TRANK1: variants seen among roughly 807,000 people sequenced by gnomAD.
The protein encoded by TRANK1 is TPR and ankyrin repeat-containing protein 1.
TRANK1 carries 198 observed loss-of-function variants against 266.0 expected under a neutral mutation model. That is an observed-to-expected ratio of 0.74 (90% confidence interval 0.66 to 0.84). The LOEUF (loss-of-function observed/expected upper bound fraction) is 0.84. Ranked by LOEUF, TRANK1 falls within the 40% of genes least tolerant of loss-of-function variation. The probability of loss-of-function intolerance (pLI) is 0.00; values close to 1 mark genes in which losing one functional copy is unlikely to be tolerated. For synonymous variants in TRANK1, 1,396 were observed against 1,384.1 expected, an observed-to-expected ratio of 1.01 and a Z score of -0.19; for missense variants, 3,326 against 3,634.6, an observed-to-expected ratio of 0.92 and a Z score of 2.18.
intron 12 of TRANK1, 100 bp downstream of exon 12, chr3:36,858,618 T>A: frequency 7.5e-7 from 1 of 1,333,532 alleles, no homozygotes; most frequent in Non-Finnish European, 9.7e-7. Context: ...CTTTTTCAGA[T>A]CACTGGTTTA....
At chr3:36,907,969 C>T (rs759351172) in intron 2 of TRANK1, among the ~76,000 whole-genome samples, 5 of 152,028 alleles carry the variant, frequency 3.3e-5, no homozygotes, top group African/African-American at 2.4e-5. Context: ...TAGTGCCCGG[C>T]GGGGTGTGCG....
At chr3:36,837,003 A>G (rs2078779040) in intron 20 of TRANK1, among the ~76,000 whole-genome samples, 1 of 152,168 alleles carries the variant, frequency 6.6e-6, no homozygotes, top group East Asian at 1.9e-4. Context: ...CCAAGGCCCT[A>G]CTGATCTGGC....
intron 1 of TRANK1, among the ~76,000 whole-genome samples, chr3:36,943,978 A>C (rs2080533884): frequency 6.6e-6 from 1 of 152,106 alleles, no homozygotes; most frequent in Non-Finnish European, 1.5e-5. Flanking sequence ...CCGATCTGGG[A>C]GAAAAGGTGG....
In TRANK1 at chr3:36,856,071, C is replaced by A; in HGVS notation, c.3651G>T (p.Lys1217Asn). ...CCAGTGGTTTGTAATGACTAGTGGCCTTGGTGGACTTGGAAAGCTCAATGA... is the reference window on the plus strand; with the variant it reads ...CCAGTGGTTTGTAATGACTAGTGGCATTGGTGGACTTGGAAAGCTCAATGA... ...RNFIELSKST[K>N]ATSHYKPLDP... is the part of the protein sequence containing the mutation. Residue 1217 changes from lysine to asparagine, a missense_variant, in exon 13 of 24, where the codon AAG becomes AAT. Transcript: ENST00000645898. The A allele has an allele frequency of 6.2e-7, 1 of 1,613,788 alleles. No individual in the cohort carries two copies. The highest frequency in any genetic ancestry group is 8.5e-7 in the Non-Finnish European group (1 of 1,179,868).
chr3:36,910,538 G>A (rs753352871), intron 1 of TRANK1, among the ~76,000 whole-genome samples: 1 of 151,982 alleles, frequency 6.6e-6, no homozygotes, highest in Non-Finnish European at 1.5e-5. Flanking sequence ...TCAGGAGTTC[G>A]AGTCCAGCCT....
At position 36,918,605 on chromosome 3, in the gene TRANK1, AGG is replaced by A. The variant is rs2080169260; in HGVS notation, c.24-10153_24-10152del. Among the ~76,000 whole-genome samples the A allele has an allele frequency of 1.4e-5, 2 of 138,580 alleles. 1 individual carries two copies. Among genetic ancestry groups the A allele is most frequent in the Non-Finnish European group, 3.1e-5 (2 of 64,340 alleles). The allele number at this position is 138,580 out of a possible 152,430, so 90.9% of individuals were successfully genotyped here. A position where few individuals can be genotyped will look rare whatever the true frequency, so the allele number is the denominator to read the frequency against. On this transcript the variant is annotated intron_variant, in intron 1 of 23. Transcript: ENST00000645898. The stretch of plus-strand genomic sequence containing the variant: ...AAGGAAGGAAGGAAGGAAGGAAGGA[AGG>A]AAAGAAAGAAAGAAAGAAAGAAAGA...
upstream of TRANK1, chr3:36,945,077 G>C: frequency 4.6e-6 from 2 of 435,446 alleles, no homozygotes. Context: ...AGTTGCGAGA[G>C]CCCAAAAACT....
chr3:36,846,035 A>G (rs1310550651), intron 17 of TRANK1, among the ~76,000 whole-genome samples: 1 of 152,216 alleles, frequency 6.6e-6, no homozygotes, highest in African/African-American at 2.4e-5. Flanking sequence ...GACAAATAAA[A>G]GATCTTCCCT....
intron 9 of TRANK1, among the ~76,000 whole-genome samples, chr3:36,865,306 G>A (rs1381788872): frequency 6.6e-6 from 1 of 152,130 alleles, no homozygotes; most frequent in Non-Finnish European, 1.5e-5. Flanking sequence ...GATTACAGGC[G>A]TGAGCCATCA....
intron 1 of TRANK1, among the ~76,000 whole-genome samples, chr3:36,912,319 C>T (rs2080063518): frequency 1.3e-5 from 2 of 152,290 alleles, no homozygotes; most frequent in Admixed American, 1.3e-4. Context: ...TGTGAGAATT[C>T]CAACCTAGGT....
In TRANK1 at chr3:36,861,161, C is replaced by T; in HGVS notation, c.1241-1G>A. The T allele has an allele frequency of 6.5e-7, 1 of 1,535,044 alleles. No homozygotes were observed. Among genetic ancestry groups the T allele is most frequent in the South Asian group, 1.2e-5 (1 of 83,808 alleles). On this transcript the variant is annotated splice_acceptor_variant, in intron 10 of 23. Coordinates refer to ENST00000645898, the MANE Select transcript of TRANK1 (RefSeq NM_001329998.2). LOFTEE classifies it high-confidence loss of function. ...TCACAGACCAGGTCAGGAGGAATTTCTTTCAAAAATAAGAGTAAGACACAT... is the reference window on the plus strand; with the variant it reads ...TCACAGACCAGGTCAGGAGGAATTTTTTTCAAAAATAAGAGTAAGACACAT...
chr3:36,828,397 G>A lies in TRANK1; in HGVS notation c.8810-22C>T, dbSNP rs1334231944. ...ATACCTGAAGAAAGAAAGAAGGAAG[G>A]AAGGAAGGAAGGAAAGAAGGGAGGG... On this transcript the variant is annotated intron_variant, in intron 23 of 23. Transcript: ENST00000645898. The A allele has an allele frequency of 9.1e-6, 6 of 655,844 alleles. No individual in the cohort carries two copies. The Admixed American group carries it at 1.3e-4, about 14-fold the overall frequency. 40.6% of individuals were successfully genotyped at this position (655,844 alleles called of 1,614,324 possible).
chr3:36,828,155 T>C lies in TRANK1; in HGVS notation c.*120A>G. ...ATGAGAATAAAAAGCAATGGTGTTG[T>C]TAGACTCCCCTATTTTTAAAATGCT... On this transcript the variant is annotated 3_prime_UTR_variant, in exon 24 of 24. Transcript: ENST00000645898. The C allele has an allele frequency of 1.4e-6, 1 of 716,306 alleles. No homozygotes were observed. Among genetic ancestry groups the C allele is most frequent in the South Asian group, 1.7e-5 (1 of 57,156 alleles). The allele number at this position is 716,306 out of a possible 1,614,324, so 44.4% of individuals were successfully genotyped here. A position where few individuals can be genotyped will look rare whatever the true frequency, so the allele number is the denominator to read the frequency against.
intron 4 of TRANK1, among the ~76,000 whole-genome samples, chr3:36,898,404 G>A (rs186317912): frequency 4.6e-5 from 7 of 151,740 alleles, no homozygotes; most frequent in East Asian, 3.9e-4. Flanking sequence ...AGCAAAGATC[G>A]TGCCATTGCA....
rs61109537 is a variant in TRANK1 at position 36,828,388 on chromosome 3, A to AGAAG, written c.8810-17_8810-14dup. ...TCCTGAACAATACCTGAAGAAAGAA[A>AGAAG]GAAGGAAGGAAGGAAGGAAGGAAAG... On this transcript the variant is annotated splice_polypyrimidine_tract_variant and intron_variant, in intron 23 of 23. Coordinates refer to ENST00000645898, the MANE Select transcript of TRANK1 (RefSeq NM_001329998.2). The AGAAG allele has an allele frequency of 0.13, 127,336 of 1,013,134 alleles. 14,711 individuals are homozygous for AGAAG. Among genetic ancestry groups the AGAAG allele is most frequent in the Middle Eastern group, 0.16 (606 of 3,708 alleles). 62.8% of individuals were successfully genotyped at this position (1,013,134 alleles called of 1,614,324 possible). A position where few individuals can be genotyped will look rare whatever the true frequency, so the allele number is the denominator to read the frequency against.
chr3:36,943,057 C>A (rs916549030), intron 1 of TRANK1, among the ~76,000 whole-genome samples: 4 of 151,818 alleles, frequency 2.6e-5, no homozygotes, highest in Non-Finnish European at 5.9e-5. Context: ...GGCGCCCCAC[C>A]CCCGGCCCCC....
intron 11 of TRANK1, among the ~76,000 whole-genome samples, chr3:36,860,187 T>C (rs1468399096): frequency 6.6e-6 from 1 of 152,186 alleles, no homozygotes; most frequent in Non-Finnish European, 1.5e-5. Flanking sequence ...CATTAACTTA[T>C]TTAATATCCA....
intron 1 of TRANK1, among the ~76,000 whole-genome samples, chr3:36,911,908 C>T (rs562707232): frequency 6.6e-6 from 1 of 152,308 alleles, no homozygotes; most frequent in Non-Finnish European, 1.5e-5. Flanking sequence ...AAGCCTCGGC[C>T]AGGCACAGTG....
chr3:36,844,939 A>G (rs2078895613), intron 17 of TRANK1, among the ~76,000 whole-genome samples: 1 of 152,204 alleles, frequency 6.6e-6, no homozygotes, highest in African/African-American at 2.4e-5. Context: ...CTAACCCTCA[A>G]GAAAGACAAC....
Sources: allele counts gnomAD v4.1 joint callset (sites outside exome capture counted in the v4.1 genomes callset), GRCh38; gene constraint gnomAD v4.1.1; transcripts MANE v1.5; gene names NCBI Gene and HGNC (gene_info 2026-07-23, HGNC 2026-07-21).